Variants in RAB40B observed in about 807,000 individuals in gnomAD.
RAB40B encodes the protein RAB40B, member RAS oncogene family, also known as ras-related protein Rab-40B.
A neutral mutation model predicts 24.0 loss-of-function variants in RAB40B; 21 were observed. The ratio of observed to expected loss-of-function variants is 0.88; its 90% CI spans 0.62 to 1.26. The LOEUF (loss-of-function observed/expected upper bound fraction) is 1.26, where lower values mean the gene tolerates loss of function less well. Among genes scored for constraint, RAB40B ranks in the 50% most tolerant of loss-of-function variants. The pLI, the probability that RAB40B is intolerant of heterozygous loss-of-function variation, is 0.00. For missense variants in RAB40B, 348 were observed against 390.5 expected, an observed-to-expected ratio of 0.89 and a Z score of 0.92; for synonymous variants, 167 against 169.8, an observed-to-expected ratio of 0.98 and a Z score of 0.13.
chr17:82,686,809 C>G (rs548719120), intron 1 of RAB40B, among the ~76,000 whole-genome samples: 1 of 152,354 alleles, frequency 6.6e-6, no homozygotes, highest in African/African-American at 2.4e-5. Flanking sequence ...AGCCACTTCA[C>G]TCAGCAGCTC....
chr17:82,698,116 C>T (rs1213143628), intron 1 of RAB40B, among the ~76,000 whole-genome samples: 2 of 152,040 alleles, frequency 1.3e-5, no homozygotes, highest in African/African-American at 4.8e-5. Context: ...AGGAGCCCAG[C>T]GCCCGGCCCA....
At chr17:82,660,153 GCA>G (rs955465870) in intron 3 of RAB40B, among the ~76,000 whole-genome samples, 50 of 149,822 alleles carry the variant, frequency 3.3e-4, no homozygotes, top group Middle Eastern at 3.9e-3. Flanking sequence ...ATGCACAGAC[GCA>G]CACAGTGCAT....
At chr17:82,661,167 G>A (rs1338034230) in intron 2 of RAB40B, 120 bp from the exon 3 acceptor site, 28 of 1,487,078 alleles carry the variant, frequency 1.9e-5, no homozygotes, top group East Asian at 5.0e-5. Flanking sequence ...CCACCACGCC[G>A]CCAGCGTGAG....
chr17:82,683,132 G>T (rs2046462584), intron 1 of RAB40B, among the ~76,000 whole-genome samples: 1 of 152,152 alleles, frequency 6.6e-6, no homozygotes, highest in Non-Finnish European at 1.5e-5. Flanking sequence ...TACAGAGTGA[G>T]ACTCCATCTC....
At position 82,675,996 on chromosome 17, in the gene RAB40B, A is replaced by G. The variant is rs1187307135; in HGVS notation, c.143-11440T>C. On this transcript the variant is annotated intron_variant, in intron 1 of 5. Coordinates refer to ENST00000571995, the MANE Select transcript of RAB40B (RefSeq NM_006822.3). The surrounding 1 kb of genome is among the most constrained non-coding windows in gnomAD (Gnocchi z 4.5). ...CCTGGTACGGGACGGTGAGGACCCC[A>G]CAGGGCTGGTAAAGCACAGACGCTG... Among the ~76,000 whole-genome samples, 2 of 152,136 alleles carry G rather than the reference A, an allele frequency of 1.3e-5. No individual in the cohort carries two copies. Among genetic ancestry groups the G allele is most frequent in the Non-Finnish European group, 1.5e-5 (1 of 68,016 alleles).
chr17:82,683,824 G>T (rs767754003), intron 1 of RAB40B, among the ~76,000 whole-genome samples: 1 of 133,556 alleles, frequency 7.5e-6, no homozygotes, highest in Non-Finnish European at 1.6e-5. Context: ...AAAAAAAAAA[G>T]AAAAGAAAAG....
At chr17:82,673,699 T>G (rs1351465165) in intron 1 of RAB40B, among the ~76,000 whole-genome samples, 4 of 152,206 alleles carry the variant, frequency 2.6e-5, no homozygotes, top group African/African-American at 9.6e-5. Context: ...TTCCTCCTGG[T>G]GGGCATGGAG....
At chr17:82,664,387 T>C in intron 2 of RAB40B, 109 bp downstream of exon 2, 1 of 1,004,130 alleles carries the variant, frequency 1.0e-6, no homozygotes, top group Non-Finnish European at 1.4e-6. Context: ...GTGCCGATGG[T>C]GGTGGGGGAT....
rs143867346 is a variant in RAB40B, at chr17:82,697,707, C to G, written c.142+748G>C. On this transcript the variant is annotated intron_variant, in intron 1 of 5. Coordinates refer to ENST00000571995, the MANE Select transcript of RAB40B (RefSeq NM_006822.3). This position sits in a 1 kb window ranked among gnomAD's most constrained non-coding sequence, Gnocchi z 4.9. ...GTTCCTGCCCCCGCCTTTCTTTCCC[C>G]GGAGCCGTCCACCCCCTCGCCGGGC... 1.3e-5 allele frequency among the ~76,000 whole-genome samples: 2 copies of G among 152,200 alleles called. No homozygotes were observed. Among genetic ancestry groups the G allele is most frequent in the Admixed American group, 1.3e-4 (2 of 15,284 alleles).
At chr17:82,672,325 C>G (rs1441651120) in intron 1 of RAB40B, among the ~76,000 whole-genome samples, 2 of 121,084 alleles carry the variant, frequency 1.7e-5, no homozygotes, top group Admixed American at 8.7e-5. Flanking sequence ...CACCCCACCC[C>G]TGTAACTCTA....
In RAB40B at chr17:82,667,766, A is replaced by G. The variant is rs898688028; in HGVS notation, c.143-3210T>C. On this transcript the variant is annotated intron_variant, in intron 1 of 5. Transcript: ENST00000571995. This position sits in a 1 kb window ranked among gnomAD's most constrained non-coding sequence, Gnocchi z 4.3. ...GATACAGCAGCACTGAGAACGCCCGAAGCACCCGCTTTGCAGACGCCACCT... is the reference window on the plus strand; with the variant it reads ...GATACAGCAGCACTGAGAACGCCCGGAGCACCCGCTTTGCAGACGCCACCT... 1.3e-5 allele frequency among the ~76,000 whole-genome samples: 2 copies of G among 152,088 alleles called. No homozygotes were observed. The highest frequency in any genetic ancestry group is 4.8e-5 in the African/African-American group (2 of 41,426).
intron 1 of RAB40B, among the ~76,000 whole-genome samples, chr17:82,673,267 T>C (rs2046358842): frequency 6.6e-6 from 1 of 152,230 alleles, no homozygotes; most frequent in South Asian, 2.1e-4. Flanking sequence ...CAGTTTTCTC[T>C]GCATTTATTA....
chr17:82,683,792 A>G (rs918669597), intron 1 of RAB40B, among the ~76,000 whole-genome samples: 2 of 138,058 alleles, frequency 1.4e-5, no homozygotes, highest in African/African-American at 5.4e-5. Context: ...GCAACAGAGC[A>G]AGACCCTGTT....
At position 82,655,281 on chromosome 17, in the gene RAB40B, T is replaced by C. The variant is rs1322743470; in HGVS notation, c.*2582A>G. On this transcript the variant is annotated 3_prime_UTR_variant, in exon 6 of 6. Transcript: ENST00000571995. ...GATCTCGGGGAGCCTCCTTGCTACA[T>C]GTTCCGCTTCTGGGGACTTCTGGTG... 6.6e-6 allele frequency: 1 copy of C among 151,728 alleles called. No individual in the cohort carries two copies. Among genetic ancestry groups the C allele is most frequent in the African/African-American group, 2.4e-5 (1 of 41,210 alleles). 9.4% of individuals were successfully genotyped at this position (151,728 alleles called of 1,614,324 possible).
At position 82,663,893 on chromosome 17, in the gene RAB40B, A is replaced by C. The variant is rs1048787925; in HGVS notation, c.203+603T>G. ...GTTCTGGGGTCCCCTACTCTGGATG[A>C]CGGGGGCCCAGACAACCGGACCACC... On this transcript the variant is annotated intron_variant, in intron 2 of 5. Transcript: ENST00000571995. The surrounding 1 kb of genome is among the most constrained non-coding windows in gnomAD (Gnocchi z 6.2). Among the ~76,000 whole-genome samples, 1 of 152,120 alleles carries C rather than the reference A, an allele frequency of 6.6e-6. No individual in the cohort carries two copies. The highest frequency in any genetic ancestry group is 1.5e-5 in the Non-Finnish European group (1 of 68,014).
rs9914549 is a variant in RAB40B, at chr17:82,667,081, A to G, written c.143-2525T>C. On this transcript the variant is annotated intron_variant, in intron 1 of 5. Transcript: ENST00000571995. The surrounding 1 kb of genome is among the most constrained non-coding windows in gnomAD (Gnocchi z 4.3). ...ACGGCCTCTGCAGCTCTCCTTCCAG[A>G]GAAGCCCACGATGTAGCCAGTGAGT... Among the ~76,000 whole-genome samples, 30,981 of 152,188 alleles carry G rather than the reference A, an allele frequency of 0.2. 3,498 individuals carry two copies. The highest frequency in any genetic ancestry group is 0.29 in the Middle Eastern group (85 of 294).
chr17:82,693,935 T>C (rs1332879778), intron 1 of RAB40B, among the ~76,000 whole-genome samples: 1 of 149,640 alleles, frequency 6.7e-6, no homozygotes, highest in Non-Finnish European at 1.5e-5. Context: ...ATACAAAAAT[T>C]AGCCAGGCGT....
At chr17:82,660,928 T>C (rs2046164043) in intron 3 of RAB40B, 59 bp downstream of exon 3, 5 of 1,561,294 alleles carry the variant, frequency 3.2e-6, no homozygotes, top group Admixed American at 3.4e-5. Flanking sequence ...AAGTTAAGCA[T>C]TGTAAATGTT....
intron 1 of RAB40B, among the ~76,000 whole-genome samples, chr17:82,691,685 AAAC>A (rs201518137): frequency 0.011 from 1,651 of 152,284 alleles, 13 homozygotes; most frequent in Middle Eastern, 0.02. Context: ...CCATCTCAAA[AAAC>A]AACAACAAAA....
Sources: allele counts gnomAD v4.1 joint callset (sites outside exome capture counted in the v4.1 genomes callset), GRCh38; gene constraint gnomAD v4.1.1; non-coding constraint Gnocchi (gnomAD v3.1); transcripts MANE v1.5; gene names NCBI Gene and HGNC (gene_info 2026-07-23, HGNC 2026-07-21).